The following TOGARAM1 variants were observed in gnomAD, a reference collection of about 807,000 sequenced individuals.
TOGARAM1 encodes TOG array regulator of axonemal microtubules 1, also known as TOG array regulator of axonemal microtubules protein 1.
A neutral mutation model predicts 166.6 loss-of-function variants in TOGARAM1; 100 were observed. The observed-to-expected ratio is 0.60, with a 90% CI of 0.51 to 0.71. TOGARAM1 has a LOEUF of 0.71. Ranked by LOEUF, TOGARAM1 falls within the 30% of genes least tolerant of loss-of-function variation. The pLI, the probability that TOGARAM1 is intolerant of heterozygous loss-of-function variation, is 0.00. For synonymous variants in TOGARAM1, 758 were observed against 763.8 expected (o/e 0.99, Z 0.13); for missense variants, 2,029 against 2,102.7 (o/e 0.96, Z 0.69).
rs1879644228 is a variant in TOGARAM1, at chr14:45,009,164, T to C, written c.3137+19T>C. 6.4e-7 allele frequency: 1 copy of C among 1,566,218 alleles called. No individual in the cohort carries two copies. Among genetic ancestry groups the C allele is most frequent in the African/African-American group, 1.4e-5 (1 of 73,714 alleles). On this transcript the variant is annotated intron_variant, in intron 6 of 19. Coordinates refer to ENST00000361462, the MANE Select transcript of TOGARAM1 (RefSeq NM_001308120.2). ...GAATAATGTATTTTATTTTTTGACG[T>C]GATAAATGAATGTTCCTCTGTAATT... is the stretch of plus-strand genomic sequence containing the variant.
intron 1 of TOGARAM1, chr14:44,995,520 G>A (rs1345234515): frequency 1.9e-6 from 1 of 533,492 alleles, no homozygotes; most frequent in Non-Finnish European, 3.6e-6. Flanking sequence ...AACAGTAAAG[G>A]GTTGGGGTGA....
At chr14:45,064,397 C>T (rs2138998809) in intron 16 of TOGARAM1, among the ~76,000 whole-genome samples, 1 of 152,074 alleles carries the variant, frequency 6.6e-6, no homozygotes, top group South Asian at 2.1e-4. Flanking sequence ...TTCCAAAGTG[C>T]TGGGATTATA....
intron 1 of TOGARAM1, among the ~76,000 whole-genome samples, chr14:44,982,113 G>C (rs897446564): frequency 3.9e-5 from 6 of 151,976 alleles, no homozygotes; most frequent in African/African-American, 1.5e-4. Context: ...CAAAGTACTG[G>C]GATTACAGGC....
At chr14:44,992,749 C>A (rs1200964132) in intron 1 of TOGARAM1, among the ~76,000 whole-genome samples, 1 of 150,920 alleles carries the variant, frequency 6.6e-6, no homozygotes, top group Non-Finnish European at 1.5e-5. Flanking sequence ...TCCCGAGTAG[C>A]TGGGACTACA....
chr14:45,032,336 G>A lies in TOGARAM1; in HGVS notation c.3772G>A (p.Ala1258Thr), dbSNP rs748511361. The A allele has an allele frequency of 6.2e-7, 1 of 1,614,026 alleles. No homozygotes were observed. Among genetic ancestry groups the A allele is most frequent in the South Asian group, 1.1e-5 (1 of 91,058 alleles). The change falls in exon 11 of 20, where the codon GCA becomes ACA. Residue 1258 changes from alanine to threonine, a missense_variant. This residue lies in a region of TOGARAM1 where 576 missense variants were observed against 670.5 expected (regional missense o/e 0.86). Coordinates refer to ENST00000361462, the MANE Select transcript of TOGARAM1 (RefSeq NM_001308120.2). ...ELRPFSKPEI[A>T]LTEALRLLAD... ...ACGACCATTCTCTAAACCAGAAATAGCACTGACAGAAGCCCTGAGGCTTTT... is the reference window on the plus strand; with the variant it reads ...ACGACCATTCTCTAAACCAGAAATAACACTGACAGAAGCCCTGAGGCTTTT...
chr14:45,054,115 C>A (rs1882515284), intron 15 of TOGARAM1, among the ~76,000 whole-genome samples: 1 of 152,170 alleles, frequency 6.6e-6, no homozygotes, highest in African/African-American at 2.4e-5. Flanking sequence ...AGATGATCCA[C>A]CTGCCTCAGC....
Position 45,004,104 on chromosome 14 carries a change from T to G in TOGARAM1, c.2382T>G (p.Phe794Leu). 6.2e-7 allele frequency: 1 copy of G among 1,614,100 alleles called. No individual in the cohort carries two copies. The highest frequency in any genetic ancestry group is 8.5e-7 in the Non-Finnish European group (1 of 1,179,996). ...LNFGSKTQQTFGSQTECTSSN... is the reference protein window; with the variant it reads ...LNFGSKTQQTLGSQTECTSSN... ...TTGGCAGTAAGACACAGCAAACATT[T>G]GGTAGTCAAACAGAGTGTACTTCCT... is the stretch of plus-strand genomic sequence containing the variant. The change falls in exon 4 of 20, where the codon TTT becomes TTG. Residue 794 changes from phenylalanine to leucine, a missense_variant. Transcript: ENST00000361462.
At chr14:44,996,403 G>A (rs1887414870) in intron 2 of TOGARAM1, 1 of 152,246 alleles carries the variant, frequency 6.6e-6, no homozygotes, top group African/African-American at 2.4e-5. Context: ...AGTGTGTGGG[G>A]AACATGTTTG....
intron 11 of TOGARAM1, among the ~76,000 whole-genome samples, chr14:45,035,257 G>A (rs200964020): frequency 3.9e-5 from 6 of 152,052 alleles, no homozygotes; most frequent in African/African-American, 4.8e-5. Flanking sequence ...CTACTGGGGC[G>A]ACTGGGGCAG....
intron 4 of TOGARAM1, among the ~76,000 whole-genome samples, chr14:45,005,261 C>T (rs1039195050): frequency 2.0e-5 from 3 of 152,112 alleles, no homozygotes; most frequent in Non-Finnish European, 2.9e-5. Context: ...CTTTTCTTAA[C>T]AATAACCCAC....
intron 14 of TOGARAM1, 92 bp from the exon 15 acceptor site, chr14:45,052,344 G>T (rs1882413680): frequency 1.9e-6 from 2 of 1,050,990 alleles, no homozygotes; most frequent in African/African-American, 1.6e-5. Flanking sequence ...TTTGATAGGT[G>T]TTTTTTTTCT....
At chr14:44,973,594 C>A (rs377582876) in intron 1 of TOGARAM1, among the ~76,000 whole-genome samples, 16,974 of 150,782 alleles carry the variant, frequency 0.11, 1,416 homozygotes, top group African/African-American at 0.23. Flanking sequence ...CTCTCTCTCT[C>A]TCTATATATA....
intron 1 of TOGARAM1, among the ~76,000 whole-genome samples, chr14:44,977,297 T>G (rs1255198548): frequency 6.7e-6 from 1 of 150,144 alleles, no homozygotes; most frequent in African/African-American, 2.5e-5. Context: ...TGTAGTAGTG[T>G]GATCTCAGCT....
Position 45,008,382 on chromosome 14 carries a change from G to A in TOGARAM1, c.2905-531G>A, listed in dbSNP as rs766523105. Among the ~76,000 whole-genome samples, 12 of 152,004 alleles carry A rather than the reference G, an allele frequency of 7.9e-5. No individual in the cohort carries two copies. In the East Asian group the frequency reaches 1.2e-3, roughly 15 times the overall value. On this transcript the variant is annotated intron_variant, in intron 5 of 19. Transcript: ENST00000361462. The stretch of plus-strand genomic sequence containing the variant: ...GCCTCACAAATAGCTAAGACTGCAC[G>A]TGTCCACCACCATGCCCAGCTGCAT...
At chr14:45,010,834 A>C (rs1320938105) in intron 6 of TOGARAM1, among the ~76,000 whole-genome samples, 1 of 152,128 alleles carries the variant, frequency 6.6e-6, no homozygotes, top group Non-Finnish European at 1.5e-5. Flanking sequence ...GTTGAAAACC[A>C]CCCTCCTAGA....
In TOGARAM1 at chr14:44,962,516, A is replaced by G; in HGVS notation, c.95A>G (p.Glu32Gly). 1 of 1,613,422 alleles carries G rather than the reference A, an allele frequency of 6.2e-7. No individual in the cohort carries two copies. Among genetic ancestry groups the G allele is most frequent in the Non-Finnish European group, 8.5e-7 (1 of 1,179,880 alleles). ...AGCCGCAGTCGTCCTTCCGCCCCAGAGACCGATGATAGTCGAGTTGGGGGC... is the reference window on the plus strand; with the variant it reads ...AGCCGCAGTCGTCCTTCCGCCCCAGGGACCGATGATAGTCGAGTTGGGGGC... ...LQSRSRPSAPETDDSRVGGIM... is the reference protein window; with the variant it reads ...LQSRSRPSAPGTDDSRVGGIM... Residue 32 changes from glutamate to glycine, a missense_variant, in exon 1 of 20, where the codon GAG (glutamate) becomes GGG (glycine). Glu to Gly is a moderately conservative substitution (Grantham distance 98). This residue lies in a region of TOGARAM1 where 1,453 missense variants were observed against 1,432.2 expected (regional missense o/e 1.01). Coordinates refer to ENST00000361462, the MANE Select transcript of TOGARAM1 (RefSeq NM_001308120.2).
At position 45,032,219 on chromosome 14, in the gene TOGARAM1, T is replaced by G; in HGVS notation, c.3659-4T>G. The G allele has an allele frequency of 6.3e-7, 1 of 1,595,628 alleles. No individual in the cohort carries two copies. The highest frequency in any genetic ancestry group is 8.5e-7 in the Non-Finnish European group (1 of 1,175,606). ...CATAGTTTATTTAATGTATTTTGTTTTAGGTGAAACACCTACTGGAGCTAT... is the reference window on the plus strand; with the variant it reads ...CATAGTTTATTTAATGTATTTTGTTGTAGGTGAAACACCTACTGGAGCTAT... On this transcript the variant is annotated splice_polypyrimidine_tract_variant and splice_region_variant and intron_variant, in intron 10 of 19. Coordinates refer to ENST00000361462, the MANE Select transcript of TOGARAM1 (RefSeq NM_001308120.2).
rs567715248 is a variant in TOGARAM1 at position 44,998,584 on chromosome 14, G to C, written c.2204-779G>C. ...GGAGGTCGAGGCTGCAGTGAGCCAA[G>C]TTTGCGCCACCGCATTCCAGCCTGG... On this transcript the variant is annotated intron_variant, in intron 2 of 19. Transcript: ENST00000361462. 2.0e-5 allele frequency among the ~76,000 whole-genome samples: 3 copies of C among 152,306 alleles called. No homozygotes were observed. In the South Asian group the frequency reaches 6.2e-4, roughly 32 times the overall value.
At chr14:45,008,370 C>T (rs1337683809) in intron 5 of TOGARAM1, among the ~76,000 whole-genome samples, 2 of 151,810 alleles carry the variant, frequency 1.3e-5, no homozygotes, top group Admixed American at 6.6e-5. Context: ...TCACAAATAG[C>T]TAAGACTGCA....
Sources: gnomAD v4.1 joint callset for allele counts (sites outside exome capture counted in the v4.1 genomes callset) on GRCh38, gnomAD v4.1.1 for gene constraint, gnomAD v4.1.1 regional missense constraint, MANE v1.5 for transcripts, NCBI Gene and HGNC (gene_info 2026-07-23, HGNC 2026-07-21) for gene names.